The following KCNMA1 variants were observed in gnomAD, a reference collection of about 807,000 sequenced individuals.
KCNMA1 encodes potassium calcium-activated channel subfamily M alpha 1, also known as Calcium-activated potassium channel subunit alpha-1.
Under a neutral mutation model 140.0 loss-of-function variants are expected in KCNMA1, and 29 were observed. The ratio of observed to expected loss-of-function variants is 0.21; its 90% CI spans 0.15 to 0.28. The LOEUF is 0.28. KCNMA1 is among the 10% of genes least tolerant of loss of function. KCNMA1 has a pLI of 1.00. For synonymous variants in KCNMA1, 612 were observed against 611.9 expected (o/e 1.00, Z 0.00); for missense variants, 880 against 1,602.2 (o/e 0.55, Z 7.70).
chr10:77,062,045 G>A (rs1300506664), intron 14 of KCNMA1, among the ~76,000 whole-genome samples: 1 of 152,138 alleles, frequency 6.6e-6, no homozygotes, highest in Non-Finnish European at 1.5e-5. Context: ...TTGGGGGTAT[G>A]GAAACTATCC....
chr10:77,537,080 C>A (rs1165064743), intron 1 of KCNMA1, among the ~76,000 whole-genome samples: 1 of 152,122 alleles, frequency 6.6e-6, no homozygotes, highest in Non-Finnish European at 1.5e-5. Flanking sequence ...CCAGAGATAG[C>A]CCTAAACACG....
At chr10:77,032,857 G>A (rs1315286338) in intron 15 of KCNMA1, among the ~76,000 whole-genome samples, 1 of 151,828 alleles carries the variant, frequency 6.6e-6, no homozygotes, top group Non-Finnish European at 1.5e-5. Context: ...GAAATACATT[G>A]TTCCTGCCAT....
At chr10:77,150,916 C>T (rs1414580582) in intron 5 of KCNMA1, among the ~76,000 whole-genome samples, 1 of 152,164 alleles carries the variant, frequency 6.6e-6, no homozygotes, top group Admixed American at 6.5e-5. Context: ...GAAGAAGGGA[C>T]TGGGAGTGTT....
rs1565990459 is a variant in KCNMA1, at chr10:77,325,616, T to TGGG, written c.541-74363_541-74361dup. ...AAATGCATTTCCCATGGATGCCCAC[T>TGGG]GGGCCCATCCCCATTCCTCCCTCCA... On this transcript the variant is annotated intron_variant, in intron 2 of 27. Transcript: ENST00000286628. Among the ~76,000 whole-genome samples the TGGG allele has an allele frequency of 2.0e-5, 3 of 152,338 alleles. No homozygotes were observed. In the South Asian group the frequency reaches 6.2e-4, roughly 32 times the overall value.
chr10:76,898,164 G>C (rs1045365225), intron 25 of KCNMA1, among the ~76,000 whole-genome samples: 1 of 151,674 alleles, frequency 6.6e-6, no homozygotes, highest in Non-Finnish European at 1.5e-5. Context: ...TTTCAGACTT[G>C]TTCAAATGCC....
intron 2 of KCNMA1, among the ~76,000 whole-genome samples, chr10:77,352,002 T>G (rs1459999418): frequency 1.3e-5 from 2 of 152,236 alleles, no homozygotes; most frequent in African/African-American, 4.8e-5. Flanking sequence ...GTTTGACCAG[T>G]GCTAGACTTG....
intron 23 of KCNMA1, among the ~76,000 whole-genome samples, chr10:76,917,327 C>T (rs1442209412): frequency 6.6e-6 from 1 of 152,068 alleles, no homozygotes. Context: ...CGGGTTTGTA[C>T]GTCAAGGAAT....
intron 1 of KCNMA1, among the ~76,000 whole-genome samples, chr10:77,442,643 G>A (rs934402948): frequency 6.6e-6 from 1 of 152,196 alleles, no homozygotes; most frequent in African/African-American, 2.4e-5. Flanking sequence ...GGTAAAGGTT[G>A]TCATCTAGAG....
chr10:77,479,277 A>G (rs1477524663), intron 1 of KCNMA1, among the ~76,000 whole-genome samples: 2 of 152,176 alleles, frequency 1.3e-5, no homozygotes, highest in African/African-American at 4.8e-5. Context: ...AGAGACAGAG[A>G]CACTAGTGAT....
chr10:77,078,371 G>A (rs1299554432), intron 13 of KCNMA1, among the ~76,000 whole-genome samples: 7 of 152,184 alleles, frequency 4.6e-5, no homozygotes, highest in African/African-American at 7.2e-5. Context: ...TTGACTGGCT[G>A]AGAGAAGGAG....
chr10:77,460,460 T>C (rs1431206456), intron 1 of KCNMA1, among the ~76,000 whole-genome samples: 1 of 152,056 alleles, frequency 6.6e-6, no homozygotes, highest in Admixed American at 6.6e-5. Context: ...CTACTCACAT[T>C]AGCAAAGTCG....
rs117278525 is a variant in KCNMA1 at position 77,561,905 on chromosome 10, C to A, written c.378+75360G>T. On this transcript the variant is annotated intron_variant, in intron 1 of 27. Coordinates refer to ENST00000286628, the MANE Select transcript of KCNMA1 (RefSeq NM_001161352.2). ...GCCAAGATAAGACAGTGCTAAAGCT[C>A]TTAGTCGAAACTGAATTTTTGCATG... 3.3e-3 allele frequency among the ~76,000 whole-genome samples: 507 copies of A among 152,300 alleles called. 2 individuals carry two copies. The highest frequency in any genetic ancestry group is 5.1e-3 in the Non-Finnish European group (348 of 68,032).
At position 77,234,263 on chromosome 10, in the gene KCNMA1, T is replaced by C. The variant is rs563870397; in HGVS notation, c.602+16932A>G. Among the ~76,000 whole-genome samples, 8 of 152,350 alleles carry C rather than the reference T, an allele frequency of 5.3e-5. No individual in the cohort carries two copies. The South Asian group carries it at 6.2e-4, about 12-fold the overall frequency. On this transcript the variant is annotated intron_variant, in intron 3 of 27. Transcript: ENST00000286628. ...TAATATTTTTCTGAGAAAGGGGTCATAGTCTTCACCAGACTGCCAAAGAAG... is the reference window on the plus strand; with the variant it reads ...TAATATTTTTCTGAGAAAGGGGTCACAGTCTTCACCAGACTGCCAAAGAAG...
chr10:76,902,735 C>T (rs1200285343), intron 25 of KCNMA1: 3 of 152,250 alleles, frequency 2.0e-5, no homozygotes, highest in Non-Finnish European at 2.9e-5. Context: ...ATCCAATAGG[C>T]ACAACAATGA....
At chr10:76,989,808 T>TC (rs1316277067) in intron 19 of KCNMA1, among the ~76,000 whole-genome samples, 5 of 91,872 alleles carry the variant, frequency 5.4e-5, no homozygotes, top group Non-Finnish European at 1.1e-4. Flanking sequence ...GTCAGTCATT[T>TC]GAAAAAAAAA....
intron 20 of KCNMA1, among the ~76,000 whole-genome samples, chr10:76,968,641 G>A (rs1441338865): frequency 3.3e-5 from 5 of 152,170 alleles, no homozygotes; most frequent in African/African-American, 9.7e-5. Flanking sequence ...TCATAAAAAC[G>A]AAAAGCTTGG....
intron 1 of KCNMA1, among the ~76,000 whole-genome samples, chr10:77,446,936 C>T (rs1354388763): frequency 1.3e-5 from 2 of 152,210 alleles, no homozygotes; most frequent in African/African-American, 2.4e-5. Flanking sequence ...TCTCTGCCTA[C>T]CAAAGCCCCA....
intron 2 of KCNMA1, among the ~76,000 whole-genome samples, chr10:77,326,049 C>T (rs995719404): frequency 2.6e-4 from 39 of 152,192 alleles, no homozygotes; most frequent in African/African-American, 8.4e-4. Context: ...CTTACCTCTG[C>T]ACACCCTGTG....
chr10:77,160,196 G>A (rs2098540064), intron 5 of KCNMA1, among the ~76,000 whole-genome samples: 2 of 152,056 alleles, frequency 1.3e-5, no homozygotes, highest in Admixed American at 6.6e-5. Context: ...CTATAACCAC[G>A]CACTGAGGAT....
Sources: allele counts gnomAD v4.1 joint callset (sites outside exome capture counted in the v4.1 genomes callset), GRCh38; gene constraint gnomAD v4.1.1; transcripts MANE v1.5; gene names NCBI Gene and HGNC (gene_info 2026-07-23, HGNC 2026-07-21).